The following RAD51B variants were observed in gnomAD, a reference collection of about 807,000 sequenced individuals.
RAD51B encodes RAD51 paralog B.
RAD51B carries 38 observed loss-of-function variants against 42.2 expected under a neutral mutation model. The ratio of observed to expected loss-of-function variants is 0.90; its 90% CI spans 0.70 to 1.18. The LOEUF is 1.18. Among genes scored for constraint, RAD51B ranks in the 50% most tolerant of loss-of-function variants. The pLI, the probability that RAD51B is intolerant of heterozygous loss-of-function variation, is 0.00. For missense variants in RAD51B, 373 were observed against 400.7 expected, an observed-to-expected ratio of 0.93 and a Z score of 0.59; for synonymous variants, 154 against 145.2, an observed-to-expected ratio of 1.06 and a Z score of -0.43.
At chr14:68,163,344 G>C (rs1184946058) in intron 7 of RAD51B, among the ~76,000 whole-genome samples, 2 of 152,068 alleles carry the variant, frequency 1.3e-5, no homozygotes, top group Non-Finnish European at 2.9e-5. Flanking sequence ...CCTTTCTCTG[G>C]TTCTTTTTAA....
At chr14:68,073,231 T>C (rs2076781995) in intron 7 of RAD51B, among the ~76,000 whole-genome samples, 1 of 152,214 alleles carries the variant, frequency 6.6e-6, no homozygotes, top group Non-Finnish European at 1.5e-5. Flanking sequence ...ATATTTAGGA[T>C]TGTTAAGACT....
intron 7 of RAD51B, among the ~76,000 whole-genome samples, chr14:68,130,492 C>T (rs1463068016): frequency 6.6e-6 from 1 of 152,210 alleles, no homozygotes; most frequent in Non-Finnish European, 1.5e-5. Flanking sequence ...GGAATCATCT[C>T]TCTATTGCTT....
rs192616091 is a variant in RAD51B at position 68,493,024 on chromosome 14, C to A, written c.1036+24774C>A. On this transcript the variant is annotated intron_variant, in intron 10 of 10. Transcript: ENST00000487270. ...GAGAGAATGTACATTAGCATCCCTC[C>A]GAGCTTCCCTGAAGCAGAGCTGTCT... Among the ~76,000 whole-genome samples the A allele has an allele frequency of 1.5e-3, 235 of 152,282 alleles. 3 individuals are homozygous for A. The highest frequency in any genetic ancestry group is 5.3e-3 in the African/African-American group (221 of 41,554).
chr14:68,398,806 A>C (rs1329116446), intron 8 of RAD51B, among the ~76,000 whole-genome samples: 3 of 152,230 alleles, frequency 2.0e-5, no homozygotes, highest in Non-Finnish European at 2.9e-5. Flanking sequence ...AGATTTTCTA[A>C]TACAAATGCA....
At chr14:68,457,492 T>G (rs1016315229) in intron 9 of RAD51B, among the ~76,000 whole-genome samples, 1 of 152,254 alleles carries the variant, frequency 6.6e-6, no homozygotes, top group Non-Finnish European at 1.5e-5. Flanking sequence ...GATATTAATG[T>G]AGAAAGAATT....
chr14:67,908,523 C>A (rs1469862765), intron 7 of RAD51B: 1 of 145,488 alleles, frequency 6.9e-6, no homozygotes. Flanking sequence ...TTTTTTTTAA[C>A]TGAGGATGGG....
chr14:68,609,100 G>A (rs1041174377), intron 10 of RAD51B, among the ~76,000 whole-genome samples: 3 of 152,030 alleles, frequency 2.0e-5, no homozygotes, highest in South Asian at 2.1e-4. Context: ...TTGTGCCCCC[G>A]CCTCTCCCTC....
At chr14:68,119,430 T>C (rs975148328) in intron 7 of RAD51B, among the ~76,000 whole-genome samples, 3 of 149,572 alleles carry the variant, frequency 2.0e-5, no homozygotes, top group African/African-American at 4.9e-5. Flanking sequence ...AACTCGTCAT[T>C]TAGCATTAGG....
intron 10 of RAD51B, among the ~76,000 whole-genome samples, chr14:68,518,558 C>A (rs1594936330): frequency 6.6e-6 from 1 of 150,536 alleles, no homozygotes; most frequent in Non-Finnish European, 1.5e-5. Flanking sequence ...ATATGAGCCC[C>A]CCCCCCAGGC....
chr14:67,835,698 T>A (rs566009217), intron 4 of RAD51B, among the ~76,000 whole-genome samples: 123 of 148,362 alleles, frequency 8.3e-4, no homozygotes, highest in Non-Finnish European at 1.4e-3. Context: ...AAAAAAAAAA[T>A]AAAAAAAACC....
intron 7 of RAD51B, among the ~76,000 whole-genome samples, chr14:68,061,359 A>C (rs1319860988): frequency 1.3e-5 from 2 of 151,996 alleles, no homozygotes; most frequent in Non-Finnish European, 2.9e-5. Context: ...GTGAGCCACC[A>C]CGCCCAGCTA....
At chr14:68,613,872 T>A (rs1256691894), downstream of RAD51B, among the ~76,000 whole-genome samples, 1 of 152,208 alleles carries the variant, frequency 6.6e-6, no homozygotes, top group Non-Finnish European at 1.5e-5. Flanking sequence ...ATGACTCGAT[T>A]TTTGGAGTCA....
intron 7 of RAD51B, among the ~76,000 whole-genome samples, chr14:67,923,266 A>G (rs73282413): frequency 0.015 from 2,144 of 146,544 alleles, 56 homozygotes; most frequent in African/African-American, 0.05. Flanking sequence ...GTATATATAT[A>G]TATCACAATT....
At chr14:68,321,037 T>C (rs2082148644) in intron 8 of RAD51B, among the ~76,000 whole-genome samples, 1 of 152,248 alleles carries the variant, frequency 6.6e-6, no homozygotes, top group South Asian at 2.1e-4. Flanking sequence ...CTCTGCACTC[T>C]CCTCATCTGT....
chr14:68,654,003 A>T (rs1210677832), intron 11 of RAD51B, among the ~76,000 whole-genome samples: 1 of 152,214 alleles, frequency 6.6e-6, no homozygotes, highest in Non-Finnish European at 1.5e-5. Context: ...CTTGCACTTG[A>T]TCCTGAGGTT....
intron 7 of RAD51B, among the ~76,000 whole-genome samples, chr14:68,207,600 A>C (rs867677984): frequency 6.6e-6 from 1 of 152,346 alleles, no homozygotes; most frequent in Middle Eastern, 3.4e-3. Context: ...ATTTTGTGAT[A>C]CATTAAAAAG....
At chr14:68,155,395 T>C (rs1202011779) in intron 7 of RAD51B, among the ~76,000 whole-genome samples, 1 of 152,126 alleles carries the variant, frequency 6.6e-6, no homozygotes, top group Non-Finnish European at 1.5e-5. Context: ...GGTTTCACCA[T>C]GTTGGCCAGG....
At chr14:67,868,246 A>G (rs1464149030) in intron 5 of RAD51B, among the ~76,000 whole-genome samples, 1 of 152,214 alleles carries the variant, frequency 6.6e-6, no homozygotes, top group Non-Finnish European at 1.5e-5. Flanking sequence ...TGCAAGCCGA[A>G]GCAGGGCGAG....
chr14:68,637,105 G>A (rs1892356375), intron 10 of RAD51B, among the ~76,000 whole-genome samples: 1 of 151,916 alleles, frequency 6.6e-6, no homozygotes, highest in African/African-American at 2.4e-5. Flanking sequence ...TTTCAGACAG[G>A]GTCTTGCTCC....
Sources: allele counts gnomAD v4.1 joint callset (sites outside exome capture counted in the v4.1 genomes callset), GRCh38; gene constraint gnomAD v4.1.1; transcripts MANE v1.5; gene names NCBI Gene and HGNC (gene_info 2026-07-23, HGNC 2026-07-21).